The following MMP16 variants were observed in gnomAD, a reference collection of about 807,000 sequenced individuals.
The protein encoded by MMP16 is matrix metalloproteinase-16.
Under a neutral mutation model 67.8 loss-of-function variants are expected in MMP16, and 12 were observed. That is an observed-to-expected ratio of 0.18 (90% CI 0.11 to 0.29). The LOEUF is 0.29. Among genes scored for constraint, MMP16 ranks in the 10% least tolerant of loss-of-function variants. The probability of loss-of-function intolerance (pLI) is 1.00; values close to 1 mark genes in which losing one functional copy is unlikely to be tolerated. For synonymous variants in MMP16, 249 were observed against 255.9 expected, an observed-to-expected ratio of 0.97 and a Z score of 0.26; for missense variants, 475 against 765.7, an observed-to-expected ratio of 0.62 and a Z score of 4.48.
chr8:88,045,822 A>T (rs1808193149), intron 9 of MMP16, among the ~76,000 whole-genome samples: 1 of 152,144 alleles, frequency 6.6e-6, no homozygotes, highest in South Asian at 2.1e-4. Context: ...TGTTGAGCAT[A>T]TGTCACAGAC....
intron 1 of MMP16, among the ~76,000 whole-genome samples, chr8:88,324,456 T>G (rs753909262): frequency 6.6e-6 from 1 of 152,068 alleles, no homozygotes; most frequent in Non-Finnish European, 1.5e-5. Flanking sequence ...GACCACAAAT[T>G]GTTAAGTTTA....
intron 1 of MMP16, among the ~76,000 whole-genome samples, chr8:88,276,244 T>C (rs1364771013): frequency 6.6e-6 from 1 of 152,062 alleles, no homozygotes; most frequent in Non-Finnish European, 1.5e-5. Context: ...ATACCTTACA[T>C]TGCAAAAAAT....
chr8:88,086,441 C>T (rs902125680), intron 6 of MMP16, among the ~76,000 whole-genome samples: 1 of 151,862 alleles, frequency 6.6e-6, no homozygotes, highest in Non-Finnish European at 1.5e-5. Flanking sequence ...ACTAACAGTT[C>T]TGGATTCAAA....
intron 1 of MMP16, among the ~76,000 whole-genome samples, chr8:88,255,188 G>C (rs1370380757): frequency 3.3e-5 from 5 of 152,102 alleles, no homozygotes; most frequent in African/African-American, 1.2e-4. Flanking sequence ...ATGGTAATGA[G>C]TGAGTTCTTG....
chr8:88,183,567 G>C (rs1324963527), intron 3 of MMP16, among the ~76,000 whole-genome samples: 1 of 152,018 alleles, frequency 6.6e-6, no homozygotes, highest in Non-Finnish European at 1.5e-5. Flanking sequence ...ATTAGTAGCT[G>C]TGCAATGTTG....
At chr8:88,234,818 C>A (rs1320001825) in intron 1 of MMP16, among the ~76,000 whole-genome samples, 1 of 152,180 alleles carries the variant, frequency 6.6e-6, no homozygotes, top group Non-Finnish European at 1.5e-5. Flanking sequence ...GCCCTTTATT[C>A]CACTTATTCA....
At chr8:88,081,499 C>T (rs565113173) in intron 6 of MMP16, among the ~76,000 whole-genome samples, 71 of 152,052 alleles carry the variant, frequency 4.7e-4, no homozygotes, top group Non-Finnish European at 9.0e-4. Context: ...CCTGTAATCC[C>T]AGCTACTTGG....
At chr8:88,045,642 G>A (rs557928120) in intron 9 of MMP16, among the ~76,000 whole-genome samples, 1 of 151,966 alleles carries the variant, frequency 6.6e-6, no homozygotes, top group Admixed American at 6.6e-5. Flanking sequence ...GAGCCCCCAC[G>A]CCCTGCCAGT....
chr8:88,269,415 A>G (rs1027621938), intron 1 of MMP16, among the ~76,000 whole-genome samples: 1 of 152,122 alleles, frequency 6.6e-6, no homozygotes, highest in Non-Finnish European at 1.5e-5. Flanking sequence ...AGCCATAACA[A>G]AAGTGGGCAA....
At chr8:88,283,361 G>A (rs1810771819) in intron 1 of MMP16, among the ~76,000 whole-genome samples, 1 of 152,116 alleles carries the variant, frequency 6.6e-6, no homozygotes, top group African/African-American at 2.4e-5. Context: ...CTGGGTATAG[G>A]TGCTGAAGCT....
intron 1 of MMP16, among the ~76,000 whole-genome samples, chr8:88,287,617 T>C (rs554095575): frequency 6.6e-6 from 1 of 152,284 alleles, no homozygotes; most frequent in South Asian, 2.1e-4. Flanking sequence ...CCAATAAATA[T>C]GTATCAAACA....
chr8:88,159,819 T>G (rs1393858908), intron 4 of MMP16, among the ~76,000 whole-genome samples: 1 of 152,090 alleles, frequency 6.6e-6, no homozygotes, highest in Non-Finnish European at 1.5e-5. Context: ...AATACCTAAT[T>G]TTTTGAGAGT....
chr8:88,132,811 G>T (rs1216891489), intron 4 of MMP16, among the ~76,000 whole-genome samples: 1 of 151,848 alleles, frequency 6.6e-6, no homozygotes, highest in East Asian at 1.9e-4. Context: ...GTGGCCATTT[G>T]GGGGCTGGTT....
At chr8:88,279,076 G>A (rs1187373739) in intron 1 of MMP16, among the ~76,000 whole-genome samples, 1 of 151,988 alleles carries the variant, frequency 6.6e-6, no homozygotes, top group Non-Finnish European at 1.5e-5. Flanking sequence ...ACAAAAATGA[G>A]CTAAGCGTGA....
At chr8:88,198,854 T>C (rs1809297682) in intron 1 of MMP16, among the ~76,000 whole-genome samples, 1 of 152,106 alleles carries the variant, frequency 6.6e-6, no homozygotes, top group Non-Finnish European at 1.5e-5. Context: ...TCATCTAATC[T>C]GTAATGAACA....
chr8:88,289,821 CAA>C (rs1163324828), intron 1 of MMP16, among the ~76,000 whole-genome samples: 2 of 151,848 alleles, frequency 1.3e-5, no homozygotes, highest in East Asian at 3.9e-4. Context: ...AAAAAATTCA[CAA>C]GTGTTAGGTA....
chr8:88,306,012 T>G (rs907221874), intron 1 of MMP16, among the ~76,000 whole-genome samples: 1 of 149,608 alleles, frequency 6.7e-6, no homozygotes, highest in African/African-American at 2.4e-5. Flanking sequence ...TTTTTTTTTT[T>G]GAAAAAATTA....
At chr8:88,127,983 T>C (rs939464370) in intron 4 of MMP16, among the ~76,000 whole-genome samples, 4 of 151,768 alleles carry the variant, frequency 2.6e-5, no homozygotes, top group Non-Finnish European at 4.4e-5. Context: ...AACAAGGAGA[T>C]GGGTTGGCTC....
At chr8:88,167,038 C>G (rs112027751) in intron 4 of MMP16, among the ~76,000 whole-genome samples, 17 of 151,956 alleles carry the variant, frequency 1.1e-4, no homozygotes, top group Non-Finnish European at 2.2e-4. Context: ...ATGGTGAAAC[C>G]CCATCTCTAC....
Sources: allele counts gnomAD v4.1 joint callset (sites outside exome capture counted in the v4.1 genomes callset), GRCh38; gene constraint gnomAD v4.1.1; transcripts MANE v1.5; gene names NCBI Gene and HGNC (gene_info 2026-07-23, HGNC 2026-07-21).